APBA2: variants seen among roughly 807,000 people sequenced by gnomAD.
APBA2 encodes amyloid beta precursor protein binding family A member 2.
Under a neutral mutation model 75.0 loss-of-function variants are expected in APBA2, and 30 were observed. That is an observed-to-expected ratio of 0.40 (90% CI 0.30 to 0.54). The LOEUF (loss-of-function observed/expected upper bound fraction) is 0.54, where lower values mean the gene tolerates loss of function less well. Ranked by LOEUF, APBA2 falls within the 20% of genes least tolerant of loss-of-function variation. The pLI is 0.49. For synonymous variants in APBA2, 444 were observed against 409.6 expected, an observed-to-expected ratio of 1.08 and a Z score of -1.01; for missense variants, 801 against 1,016.1, an observed-to-expected ratio of 0.79 and a Z score of 2.88.
At chr15:29,002,171 T>C (rs1459435890) in intron 3 of APBA2, among the ~76,000 whole-genome samples, 1 of 152,216 alleles carries the variant, frequency 6.6e-6, no homozygotes, top group East Asian at 1.9e-4. Flanking sequence ...TTTCCCAGAC[T>C]TACTTTTACC....
At chr15:28,887,485 C>T (rs537477319) in intron 1 of APBA2, among the ~76,000 whole-genome samples, 9 of 152,232 alleles carry the variant, frequency 5.9e-5, no homozygotes, top group African/African-American at 2.2e-4. Context: ...GGTCAGGGTC[C>T]CTCCAATGAG....
At chr15:28,981,328 G>A (rs1028850448) in intron 2 of APBA2, among the ~76,000 whole-genome samples, 2 of 151,984 alleles carry the variant, frequency 1.3e-5, no homozygotes, top group Non-Finnish European at 2.9e-5. Context: ...AAATAACCTC[G>A]TTAAAAATTG....
At chr15:29,010,019 C>G (rs564050795) in intron 3 of APBA2, among the ~76,000 whole-genome samples, 68 of 152,312 alleles carry the variant, frequency 4.5e-4, no homozygotes, top group African/African-American at 1.6e-3. Flanking sequence ...ACACTCCCAC[C>G]TGCAAATAGG....
chr15:28,964,287 G>C (rs1284892399), intron 2 of APBA2, among the ~76,000 whole-genome samples: 1 of 152,176 alleles, frequency 6.6e-6, no homozygotes, highest in Non-Finnish European at 1.5e-5. Flanking sequence ...ATGTATGGAT[G>C]ATTCAGTTTC....
intron 2 of APBA2, among the ~76,000 whole-genome samples, chr15:28,928,110 C>T (rs977316484): frequency 2.0e-5 from 3 of 147,378 alleles, no homozygotes; most frequent in Non-Finnish European, 3.0e-5. Context: ...CTCCACTGTA[C>T]TCCAGCCTGG....
At chr15:28,968,490 G>A (rs540019080) in intron 2 of APBA2, among the ~76,000 whole-genome samples, 9 of 152,246 alleles carry the variant, frequency 5.9e-5, no homozygotes, top group African/African-American at 2.2e-4. Context: ...GTGTCCCTTT[G>A]TCCTCTCTCT....
chr15:29,099,513 C>A lies in APBA2; in HGVS notation c.1338+937C>A, dbSNP rs565540140. Reference sequence around the variant, plus strand: ...ACTGGGAGTTGGTCATAGGCACCCTCTGCCTGGCAGCTACCAAAATTCCAG... The same window carrying A: ...ACTGGGAGTTGGTCATAGGCACCCTATGCCTGGCAGCTACCAAAATTCCAG... On this transcript the variant is annotated intron_variant, in intron 9 of 14. Transcript: ENST00000683413. Among the ~76,000 whole-genome samples, 6 of 152,358 alleles carry A rather than the reference C, an allele frequency of 3.9e-5. No homozygotes were observed. In the South Asian group the frequency reaches 1.2e-3, roughly 32 times the overall value.
intron 2 of APBA2, among the ~76,000 whole-genome samples, chr15:28,964,063 G>A (rs1472695637): frequency 3.3e-5 from 5 of 152,208 alleles, no homozygotes; most frequent in Admixed American, 2.0e-4. Flanking sequence ...GGCAACCACT[G>A]GAGGACATTT....
rs758751173 is a variant in APBA2, at chr15:29,053,942, C to T, written c.58C>T (p.Pro20Ser). The T allele has an allele frequency of 1.2e-6, 2 of 1,613,914 alleles. No homozygotes were observed. The highest frequency in any genetic ancestry group is 2.2e-5 in the East Asian group (1 of 44,848). The change falls in exon 4 of 15, where the codon CCA (proline) becomes TCA (serine). Residue 20 changes from proline (P) to serine (S), a missense_variant. By Grantham distance (74) the Pro-to-Ser change is moderately conservative. Transcript: ENST00000683413. Reference protein sequence around the residue: ...GSGMLDHRVRPGPVPHSQEPE... With the variant: ...GSGMLDHRVRSGPVPHSQEPE... Reference sequence around the variant, plus strand: ...CGGCATGTTGGACCATAGGGTGAGACCAGGTCCTGTCCCTCACAGCCAGGA... The same window carrying T: ...CGGCATGTTGGACCATAGGGTGAGATCAGGTCCTGTCCCTCACAGCCAGGA...
intron 13 of APBA2, 96 bp downstream of exon 13, chr15:29,108,485 C>A (rs775898065): frequency 5.0e-6 from 8 of 1,586,048 alleles, no homozygotes; most frequent in Non-Finnish European, 6.0e-6. Context: ...TGTCTGGCAG[C>A]CTGGTAGGAC....
chr15:29,101,997 C>G, intron 10 of APBA2: 1 of 618,152 alleles, frequency 1.6e-6, no homozygotes, highest in East Asian at 2.8e-5. Context: ...TCTTCAGGAG[C>G]TGTTTATAAA....
chr15:29,000,766 T>A (rs2038801645), intron 3 of APBA2, among the ~76,000 whole-genome samples: 1 of 152,086 alleles, frequency 6.6e-6, no homozygotes, highest in Non-Finnish European at 1.5e-5. Flanking sequence ...TATTTTTATG[T>A]ATTGTTTTTA....
chr15:29,071,939 G>A (rs776670449), intron 4 of APBA2, among the ~76,000 whole-genome samples: 3 of 152,016 alleles, frequency 2.0e-5, no homozygotes, highest in African/African-American at 7.2e-5. Flanking sequence ...GTAGGGCATG[G>A]GGGTGCAGCC....
intron 3 of APBA2, among the ~76,000 whole-genome samples, chr15:29,030,726 A>AGTGT (rs1441045434): frequency 1.0e-4 from 13 of 123,858 alleles, no homozygotes; most frequent in Admixed American, 4.7e-4. Flanking sequence ...AACCCATGTG[A>AGTGT]GTATGTGTGT....
At chr15:28,917,123 C>G (rs1463082171) in intron 1 of APBA2, among the ~76,000 whole-genome samples, 1 of 152,142 alleles carries the variant, frequency 6.6e-6, no homozygotes, top group East Asian at 1.9e-4. Flanking sequence ...GCCAGGGACC[C>G]GGGCAAAGGG....
At chr15:28,946,330 A>G (rs902623633) in intron 2 of APBA2, among the ~76,000 whole-genome samples, 2 of 152,164 alleles carry the variant, frequency 1.3e-5, no homozygotes, top group African/African-American at 4.8e-5. Context: ...TGACCCTTAT[A>G]AGAAGGAAGC....
chr15:29,056,593 CCTCCCTCCCTCCCTCCCTCCTTCT>C (rs2041900499), intron 4 of APBA2, among the ~76,000 whole-genome samples: 1 of 826 alleles, frequency 1.2e-3, no homozygotes, highest in Non-Finnish European at 2.5e-3. Context: ...TCCCTCCCTC[CCTCCCTCCCTCCCTCCCTCCTTCT>C]CTCCCTCCCT....
chr15:29,021,130 G>A (rs1047265282), intron 3 of APBA2, among the ~76,000 whole-genome samples: 1 of 152,016 alleles, frequency 6.6e-6, no homozygotes, highest in Admixed American at 6.6e-5. Flanking sequence ...GGGATGTTAA[G>A]GTAATAGGAG....
chr15:28,941,502 C>CAAAAAAAA, intron 2 of APBA2, among the ~76,000 whole-genome samples: 1 of 59,830 alleles, frequency 1.7e-5, no homozygotes, highest in Non-Finnish European at 3.4e-5. Context: ...ACTTGGGAGG[C>CAAAAAAAA]AAAAAAAAAA....
Sources: gnomAD v4.1 joint callset for allele counts (sites outside exome capture counted in the v4.1 genomes callset) on GRCh38, gnomAD v4.1.1 for gene constraint, MANE v1.5 for transcripts, NCBI Gene and HGNC (gene_info 2026-07-23, HGNC 2026-07-21) for gene names.